The following ADAMTS17 variants were observed in gnomAD, a reference collection of about 807,000 sequenced individuals.
The protein encoded by ADAMTS17 is A disintegrin and metalloproteinase with thrombospondin motifs 17.
Under a neutral mutation model 141.5 loss-of-function variants are expected in ADAMTS17, and 113 were observed. The ratio of observed to expected loss-of-function variants is 0.80; its 90% CI spans 0.69 to 0.93. The LOEUF (loss-of-function observed/expected upper bound fraction) is 0.93, where lower values mean the gene tolerates loss of function less well. Among genes scored for constraint, ADAMTS17 ranks in the 40% least tolerant of loss-of-function variants. The pLI is 0.00. For missense variants in ADAMTS17, 1,659 were observed against 1,517.9 expected, an observed-to-expected ratio of 1.09 and a Z score of -1.54; for synonymous variants, 768 against 630.6, an observed-to-expected ratio of 1.22 and a Z score of -3.27.
intron 3 of ADAMTS17, among the ~76,000 whole-genome samples, chr15:100,306,758 ACCCTTATG>A (rs1343790331): frequency 6.6e-6 from 1 of 151,910 alleles, no homozygotes; most frequent in East Asian, 1.9e-4. Context: ...CTCGGTAGAA[ACCCTTATG>A]CCCTGCTGTG....
intron 7 of ADAMTS17, among the ~76,000 whole-genome samples, chr15:100,234,218 C>A (rs975117587): frequency 3.9e-5 from 6 of 152,120 alleles, no homozygotes; most frequent in African/African-American, 1.4e-4. Context: ...GTATCGGGCA[C>A]CTTCAGAAAC....
intron 10 of ADAMTS17, among the ~76,000 whole-genome samples, chr15:100,151,656 T>G (rs1204890811): frequency 6.6e-6 from 1 of 152,164 alleles, no homozygotes; most frequent in East Asian, 1.9e-4. Context: ...CTGGTTCCCC[T>G]ACTTCTGCCC....
At chr15:100,317,015 C>T (rs1372815132) in intron 3 of ADAMTS17, among the ~76,000 whole-genome samples, 1 of 152,182 alleles carries the variant, frequency 6.6e-6, no homozygotes, top group Non-Finnish European at 1.5e-5. Context: ...CAGCAATCAT[C>T]ATAGTTTTTA....
intron 7 of ADAMTS17, among the ~76,000 whole-genome samples, chr15:100,209,617 C>G (rs1259712890): frequency 6.7e-6 from 1 of 149,264 alleles, no homozygotes; most frequent in South Asian, 2.1e-4. Flanking sequence ...AAAAAAAAAG[C>G]CTCTTAGAAA....
intron 3 of ADAMTS17, among the ~76,000 whole-genome samples, chr15:100,328,999 T>A (rs2045971215): frequency 6.6e-6 from 1 of 152,160 alleles, no homozygotes; most frequent in Non-Finnish European, 1.5e-5. Flanking sequence ...CTTAGCGATG[T>A]GGTTTTCAAC....
chr15:100,190,456 T>A (rs572944742), intron 8 of ADAMTS17, among the ~76,000 whole-genome samples: 1 of 152,214 alleles, frequency 6.6e-6, no homozygotes, highest in African/African-American at 2.4e-5. Context: ...GGTGGCAAGG[T>A]CCCCAAAGGC....
At chr15:100,164,756 G>C (rs1172046451) in intron 8 of ADAMTS17, among the ~76,000 whole-genome samples, 1 of 152,188 alleles carries the variant, frequency 6.6e-6, no homozygotes, top group East Asian at 1.9e-4. Flanking sequence ...TCTGCAATGA[G>C]CTAAGAGAAC....
intron 4 of ADAMTS17, among the ~76,000 whole-genome samples, chr15:100,275,052 C>A: frequency 6.6e-6 from 1 of 152,138 alleles, no homozygotes. Context: ...CAGGAAAGAG[C>A]AGGCTTTTAT....
intron 7 of ADAMTS17, among the ~76,000 whole-genome samples, chr15:100,223,149 A>G (rs2042186922): frequency 6.6e-6 from 1 of 152,206 alleles, no homozygotes; most frequent in African/African-American, 2.4e-5. Flanking sequence ...GTCACTTAGC[A>G]TCAGGGGAGG....
At chr15:100,213,953 C>T (rs11636634) in intron 7 of ADAMTS17, among the ~76,000 whole-genome samples, 20,664 of 152,166 alleles carry the variant, frequency 0.14, 1,605 homozygotes, top group East Asian at 0.28. Context: ...TTTTTTTCTC[C>T]TTTCTGATGA....
chr15:100,053,588 T>C (rs937648058), intron 16 of ADAMTS17, among the ~76,000 whole-genome samples: 11 of 152,152 alleles, frequency 7.2e-5, no homozygotes, highest in African/African-American at 2.4e-4. Context: ...AGGCCAAGTC[T>C]CCCTGGCTGC....
Position 100,217,372 on chromosome 15 carries a change from G to A in ADAMTS17, c.1076-17949C>T, listed in dbSNP as rs550302368. ...AGCAGTTTGGGAGGACAAGGCAGGC[G>A]GACCACCTGAGGTCCAGGAGTTCAA... On this transcript the variant is annotated intron_variant, in intron 7 of 21. Transcript: ENST00000268070. 7.9e-5 allele frequency among the ~76,000 whole-genome samples: 12 copies of A among 152,236 alleles called. No homozygotes were observed. In the South Asian group the frequency reaches 1.7e-3, roughly 21 times the overall value.
At chr15:100,023,259 T>C (rs1277691320) in intron 18 of ADAMTS17, among the ~76,000 whole-genome samples, 1 of 152,030 alleles carries the variant, frequency 6.6e-6, no homozygotes, top group Non-Finnish European at 1.5e-5. Context: ...TAAAGTGCAG[T>C]GGTGTGATCT....
intron 14 of ADAMTS17, among the ~76,000 whole-genome samples, chr15:100,098,027 G>A (rs889831927): frequency 6.6e-6 from 1 of 152,168 alleles, no homozygotes; most frequent in Non-Finnish European, 1.5e-5. Flanking sequence ...CTGAAAAAGG[G>A]CAGAGCTTGA....
At chr15:100,197,980 C>A (rs979373138) in intron 8 of ADAMTS17, among the ~76,000 whole-genome samples, 5 of 152,084 alleles carry the variant, frequency 3.3e-5, no homozygotes, top group African/African-American at 7.2e-5. Flanking sequence ...ACAATGAGAA[C>A]ACATGGACAC....
At chr15:99,974,654 G>C (rs920481855) in intron 21 of ADAMTS17, 92 bp from the exon 22 acceptor site, 2 of 1,532,016 alleles carry the variant, frequency 1.3e-6, no homozygotes, top group Non-Finnish European at 1.8e-6. Flanking sequence ...CTGACCGTCT[G>C]GGCTCCCTCA....
rs916259158 is a variant in ADAMTS17, at chr15:100,296,415, T to G, written c.617-15014A>C. Among the ~76,000 whole-genome samples, 3 of 145,582 alleles carry G rather than the reference T, an allele frequency of 2.1e-5. No homozygotes were observed. The East Asian group carries it at 5.8e-4, about 28-fold the overall frequency. ...CCTTGAAGCATAATGGCCTTCTCTT[T>G]CTTTTTTTTTCCAAAAGGCAAAAAA... On this transcript the variant is annotated intron_variant, in intron 3 of 21. Coordinates refer to ENST00000268070, the MANE Select transcript of ADAMTS17 (RefSeq NM_139057.4).
intron 7 of ADAMTS17, among the ~76,000 whole-genome samples, chr15:100,241,763 G>C (rs1328340431): frequency 6.6e-6 from 1 of 152,096 alleles, no homozygotes; most frequent in Non-Finnish European, 1.5e-5. Flanking sequence ...CCATGATTCA[G>C]TTCTTGTCTA....
At position 100,304,582 on chromosome 15, in the gene ADAMTS17, C is replaced by T. The variant is rs140678355; in HGVS notation, c.617-23181G>A. On this transcript the variant is annotated intron_variant, in intron 3 of 21. Transcript: ENST00000268070. ...CTGCAGGGATTACTGGATTGGATTT[C>T]CATTCTCTGTAATCCATTCCTAGCA... Among the ~76,000 whole-genome samples the T allele has an allele frequency of 1.4e-3, 208 of 152,306 alleles. 1 individual carries two copies. Among genetic ancestry groups the T allele is most frequent in the African/African-American group, 4.8e-3 (199 of 41,564 alleles).
Sources: gnomAD v4.1 joint callset for allele counts (sites outside exome capture counted in the v4.1 genomes callset) on GRCh38, gnomAD v4.1.1 for gene constraint, MANE v1.5 for transcripts, NCBI Gene and HGNC (gene_info 2026-07-23, HGNC 2026-07-21) for gene names.